Variants in GSDME observed in about 807,000 individuals in gnomAD.
GSDME encodes the protein gasdermin-E.
Under a neutral mutation model 47.5 loss-of-function variants are expected in GSDME, and 44 were observed. The observed-to-expected ratio is 0.93, with a 90% CI of 0.73 to 1.19. GSDME has a LOEUF of 1.19. Ranked by LOEUF, GSDME falls within the 50% of genes most tolerant of loss-of-function variation. The pLI is 0.00. For synonymous variants in GSDME, 258 were observed against 252.8 expected (o/e 1.02, Z -0.20); for missense variants, 663 against 604.2 (o/e 1.10, Z -1.02).
chr7:24,706,176 C>T lies in GSDME; in HGVS notation c.1183+8G>A. 1 of 1,614,198 alleles carries T rather than the reference C, an allele frequency of 6.2e-7. No individual in the cohort carries two copies. Among genetic ancestry groups the T allele is most frequent in the Non-Finnish European group, 8.5e-7 (1 of 1,180,024 alleles). ...GCAGCCATTTCTTTCATTTTCTTTT[C>T]TCCTTACCTGCGAGGGCACTGACCA... On this transcript the variant is annotated splice_region_variant and intron_variant, in intron 8 of 9. Transcript: ENST00000645220.
chr7:24,730,184 G>A (rs1790100104), intron 3 of GSDME, among the ~76,000 whole-genome samples: 1 of 152,202 alleles, frequency 6.6e-6, no homozygotes, highest in South Asian at 2.1e-4. Context: ...AACAGCCCAA[G>A]TGGAACAAAC....
intron 3 of GSDME, 128 bp from the exon 4 acceptor site, chr7:24,719,346 T>C (rs1159128581): frequency 1.9e-6 from 2 of 1,029,384 alleles, no homozygotes; most frequent in Admixed American, 1.9e-5. Context: ...GATTTCCTCA[T>C]GATGAAAGGG....
At chr7:24,791,238 C>T in the GSDME span, among the ~76,000 whole-genome samples, 1 of 152,190 alleles carries the variant, frequency 6.6e-6, no homozygotes, top group Non-Finnish European at 1.5e-5. This position sits in a 1 kb window ranked among gnomAD's most constrained non-coding sequence, Gnocchi z 4.8. Context: ...TTGATCTACA[C>T]CTGATCACCT....
chr7:24,736,643 T>G lies in GSDME; in HGVS notation c.404+7919A>C, dbSNP rs1296883288. On this transcript the variant is annotated intron_variant, in intron 3 of 9. Coordinates refer to ENST00000645220, the MANE Select transcript of GSDME (RefSeq NM_001127453.2). The surrounding 1 kb of genome is among the most constrained non-coding windows in gnomAD (Gnocchi z 4.6). ...CAGAAAATCAACATCAGACTTAATCTGCACTACAGACCAAACAGACCCAAT... is the reference window on the plus strand; with the variant it reads ...CAGAAAATCAACATCAGACTTAATCGGCACTACAGACCAAACAGACCCAAT... 6.6e-6 allele frequency among the ~76,000 whole-genome samples: 1 copy of G among 152,194 alleles called. No homozygotes were observed. Among genetic ancestry groups the G allele is most frequent in the Non-Finnish European group, 1.5e-5 (1 of 68,014 alleles).
rs967182137 is a variant in GSDME at position 24,744,336 on chromosome 7, C to T, written c.404+226G>A. On this transcript the variant is annotated intron_variant, in intron 3 of 9. Transcript: ENST00000645220. This position sits in a 1 kb window ranked among gnomAD's most constrained non-coding sequence, Gnocchi z 4.5. ...GGAAGTACATATTTGCCTGAAGTAA[C>T]ATCCTTTGAAAGTGCTTCCCAAGTC... 3.4e-6 allele frequency: 2 copies of T among 584,502 alleles called. No individual in the cohort carries two copies. Among genetic ancestry groups the T allele is most frequent in the Non-Finnish European group, 6.1e-6 (2 of 327,658 alleles). 36.2% of individuals were successfully genotyped at this position (584,502 alleles called of 1,614,324 possible). A position where few individuals can be genotyped will look rare whatever the true frequency, so the allele number is the denominator to read the frequency against.
rs200810724 is a variant in GSDME at position 24,708,217 on chromosome 7, C to G, written c.900G>C (p.Ala300=). The change falls in exon 7 of 10, where the codon GCG becomes GCC. Residue 300 remains alanine (A), a synonymous_variant. Coordinates refer to ENST00000645220, the MANE Select transcript of GSDME (RefSeq NM_001127453.2). ...LLLERNFHPF[A]ELPEPQQTAL... is the part of the protein sequence containing the mutation. ...CTGTCTGTTGTGGCTCAGGCAGCTC[C>G]GCAAATGGATGGAAATTCCTCTCCA... 2 of 1,614,032 alleles carry G rather than the reference C, an allele frequency of 1.2e-6. No individual in the cohort carries two copies. The highest frequency in any genetic ancestry group is 1.7e-6 in the Non-Finnish European group (2 of 1,180,030).
the GSDME span, among the ~76,000 whole-genome samples, chr7:24,764,727 A>T: frequency 6.6e-6 from 1 of 152,186 alleles, no homozygotes; most frequent in Non-Finnish European, 1.5e-5. This position sits in a 1 kb window ranked among gnomAD's most constrained non-coding sequence, Gnocchi z 4.4. Flanking sequence ...TGTCACCACT[A>T]TTCCAAACCT....
the GSDME span, among the ~76,000 whole-genome samples, chr7:24,782,241 G>A: frequency 7.0e-5 from 8 of 114,540 alleles, no homozygotes; most frequent in Non-Finnish European, 1.0e-4. Context: ...AACAGGCCCC[G>A]GTGTGTGATG....
At chr7:24,701,017 C>T (rs1161147905) in intron 9 of GSDME, among the ~76,000 whole-genome samples, 1 of 152,230 alleles carries the variant, frequency 6.6e-6, no homozygotes, top group East Asian at 1.9e-4. Flanking sequence ...CTCACCCTTT[C>T]ACCAGTTCTT....
At chr7:24,762,249 C>CAAA (rs11436239), upstream of GSDME, among the ~76,000 whole-genome samples, 1,869 of 131,298 alleles carry the variant, frequency 0.014, 31 homozygotes, top group Non-Finnish European at 0.021. Flanking sequence ...AACTGTGTGT[C>CAAA]AAAAAAAAAA....
At chr7:24,790,424 G>T in the GSDME span, among the ~76,000 whole-genome samples, 1 of 152,142 alleles carries the variant, frequency 6.6e-6, no homozygotes, top group African/African-American at 2.4e-5. The surrounding 1 kb of genome is among the most constrained non-coding windows in gnomAD (Gnocchi z 4.1). Context: ...TCTTTTCACG[G>T]GAAGCATAGA....
At chr7:24,795,170 C>A in the GSDME span, among the ~76,000 whole-genome samples, 3 of 152,150 alleles carry the variant, frequency 2.0e-5, no homozygotes, top group Non-Finnish European at 2.9e-5. Flanking sequence ...GGGGGCCTAC[C>A]GTGCGCTGCT....
At chr7:24,787,348 T>C in the GSDME span, among the ~76,000 whole-genome samples, 2 of 152,218 alleles carry the variant, frequency 1.3e-5, no homozygotes, top group South Asian at 2.1e-4. This position sits in a 1 kb window ranked among gnomAD's most constrained non-coding sequence, Gnocchi z 5.0. Context: ...CACATCGTTG[T>C]AAACCACATG....
At chr7:24,781,357 GAAGT>G in the GSDME span, among the ~76,000 whole-genome samples, 1 of 152,320 alleles carries the variant, frequency 6.6e-6, no homozygotes, top group East Asian at 1.9e-4. Flanking sequence ...ACACAGAAGA[GAAGT>G]AAGTGCACGT....
chr7:24,730,854 A>G (rs1302404170), intron 3 of GSDME, among the ~76,000 whole-genome samples: 1 of 152,172 alleles, frequency 6.6e-6, no homozygotes, highest in African/African-American at 2.4e-5. Flanking sequence ...AACTCATCAG[A>G]CAAGGTGATT....
chr7:24,770,737 A>C, the GSDME span, among the ~76,000 whole-genome samples: 1 of 152,200 alleles, frequency 6.6e-6, no homozygotes, highest in Non-Finnish European at 1.5e-5. The surrounding 1 kb of genome is among the most constrained non-coding windows in gnomAD (Gnocchi z 4.6). Flanking sequence ...AGAGATCAAA[A>C]ATACTGTAAC....
intron 8 of GSDME, 91 bp downstream of exon 8, chr7:24,706,093 G>A (rs1358426156): frequency 2.0e-6 from 3 of 1,485,142 alleles, no homozygotes; most frequent in Non-Finnish European, 2.8e-6. Context: ...ATCTTCCACA[G>A]TTACCACCTC....
the GSDME span, among the ~76,000 whole-genome samples, chr7:24,781,576 T>C: frequency 6.6e-6 from 1 of 152,246 alleles, no homozygotes; most frequent in Admixed American, 6.5e-5. Flanking sequence ...CTATTTGATC[T>C]TAAGGCACCT....
intron 6 of GSDME, 150 bp downstream of exon 6, chr7:24,710,074 G>A (rs1239525832): frequency 2.3e-6 from 2 of 864,346 alleles, no homozygotes; most frequent in Non-Finnish European, 3.8e-6. Flanking sequence ...GTCCTGCCGA[G>A]TGGACTGGGC....
Sources: gnomAD v4.1 joint callset for allele counts (sites outside exome capture counted in the v4.1 genomes callset) on GRCh38, gnomAD v4.1.1 for gene constraint, Gnocchi (gnomAD v3.1) non-coding constraint, MANE v1.5 for transcripts, NCBI Gene and HGNC (gene_info 2026-07-23, HGNC 2026-07-21) for gene names.